The following CCDC13 variants were observed in gnomAD, a reference collection of about 807,000 sequenced individuals.
CCDC13 encodes the protein coiled-coil domain containing 13.
Under a neutral mutation model 87.3 loss-of-function variants are expected in CCDC13, and 70 were observed. The ratio of observed to expected loss-of-function variants is 0.80; its 90% CI spans 0.66 to 0.98. CCDC13 has a LOEUF of 0.98. CCDC13 is among the 50% of genes least tolerant of loss of function. The pLI, the probability that CCDC13 is intolerant of heterozygous loss-of-function variation, is 0.00. For synonymous variants in CCDC13, 317 were observed against 360.3 expected, an observed-to-expected ratio of 0.88 and a Z score of 1.36; for missense variants, 842 against 892.0, an observed-to-expected ratio of 0.94 and a Z score of 0.71.
At chr3:42,750,431 T>C (rs1245191864) in intron 5 of CCDC13, among the ~76,000 whole-genome samples, 2 of 152,198 alleles carry the variant, frequency 1.3e-5, no homozygotes, top group African/African-American at 2.4e-5. Context: ...GGATTCTCCA[T>C]AGACAGAGCC....
intron 13 of CCDC13, among the ~76,000 whole-genome samples, chr3:42,724,151 GC>G (rs1301567268): frequency 6.6e-6 from 1 of 152,094 alleles, no homozygotes; most frequent in Non-Finnish European, 1.5e-5. Flanking sequence ...TAAACCAACA[GC>G]AAAACATCAT....
intron 9 of CCDC13, among the ~76,000 whole-genome samples, chr3:42,736,303 G>A (rs1056538662): frequency 1.3e-5 from 2 of 152,178 alleles, no homozygotes; most frequent in Admixed American, 1.3e-4. Context: ...GGATCCATTA[G>A]CACCTGACTG....
intron 8 of CCDC13, among the ~76,000 whole-genome samples, chr3:42,742,332 T>C (rs1243578083): frequency 6.6e-6 from 1 of 152,138 alleles, no homozygotes; most frequent in Non-Finnish European, 1.5e-5. Flanking sequence ...CCCAGGGTCC[T>C]TGTGGAAGAG....
intron 1 of CCDC13, among the ~76,000 whole-genome samples, chr3:42,772,828 G>A (rs1700165621): frequency 6.6e-6 from 1 of 152,194 alleles, no homozygotes; most frequent in African/African-American, 2.4e-5. Flanking sequence ...GGTGCGAGAG[G>A]GCCCAGTGGC....
chr3:42,730,054 C>T (rs1202145660), intron 13 of CCDC13, among the ~76,000 whole-genome samples: 1 of 152,178 alleles, frequency 6.6e-6, no homozygotes, highest in Non-Finnish European at 1.5e-5. Context: ...CAGCTATCAG[C>T]ACCTCTCTTG....
At chr3:42,758,019 T>A in intron 2 of CCDC13, 106 bp downstream of exon 2, 2 of 906,462 alleles carry the variant, frequency 2.2e-6, no homozygotes, top group Non-Finnish European at 1.7e-6. Flanking sequence ...CTTCCTTCTA[T>A]CACTTTAGCT....
chr3:42,748,459 C>A (rs999281662), intron 5 of CCDC13, among the ~76,000 whole-genome samples: 1 of 152,250 alleles, frequency 6.6e-6, no homozygotes, highest in African/African-American at 2.4e-5. Context: ...GCTGCCCCAA[C>A]AGGGCAAAGC....
In CCDC13 at chr3:42,713,217, G is replaced by A; in HGVS notation, c.1818C>T (p.Arg606=). 6.2e-7 allele frequency: 1 copy of A among 1,614,176 alleles called. No homozygotes were observed. Among genetic ancestry groups the A allele is most frequent in the Non-Finnish European group, 8.5e-7 (1 of 1,180,022 alleles). ...VVLEQHLEKI[R]LEPGKASASQ... Reference sequence around the variant, plus strand: ...AGGCTGATGCCTTCCCTGGCTCCAGGCGTATCTTCTCCAGATGTTGCTCCA... The same window carrying A: ...AGGCTGATGCCTTCCCTGGCTCCAGACGTATCTTCTCCAGATGTTGCTCCA... Residue 606 remains arginine, a synonymous_variant, in exon 14 of 16, where the codon CGC becomes CGT. Coordinates refer to ENST00000310232, the MANE Select transcript of CCDC13 (RefSeq NM_144719.4).
At chr3:42,740,194 GA>G (rs1416895899) in intron 8 of CCDC13, among the ~76,000 whole-genome samples, 3 of 152,300 alleles carry the variant, frequency 2.0e-5, no homozygotes, top group African/African-American at 7.2e-5. Context: ...CCATACTTTA[GA>G]AAAAGAGTGC....
At chr3:42,711,545 AGCCTCCCT>A (rs1260569342) in intron 14 of CCDC13, among the ~76,000 whole-genome samples, 2 of 152,194 alleles carry the variant, frequency 1.3e-5, no homozygotes, top group Non-Finnish European at 2.9e-5. Flanking sequence ...GGACCACTCC[AGCCTCCCT>A]GCCTCCTCCC....
intron 7 of CCDC13, among the ~76,000 whole-genome samples, chr3:42,743,426 ATTTATTTT>A (rs1470097760): frequency 1.5e-5 from 2 of 137,780 alleles, no homozygotes; most frequent in Non-Finnish European, 3.0e-5. Flanking sequence ...TTATTTATTT[ATTTATTTT>A]AGAGACAGGG....
At chr3:42,750,893 G>A (rs1446032076) in intron 5 of CCDC13, among the ~76,000 whole-genome samples, 2 of 152,238 alleles carry the variant, frequency 1.3e-5, no homozygotes, top group Non-Finnish European at 2.9e-5. Context: ...GAATAAACCA[G>A]GGGCAGCTTA....
intron 13 of CCDC13, chr3:42,719,566 G>T (rs970733253): frequency 6.6e-6 from 1 of 152,126 alleles, no homozygotes; most frequent in South Asian, 2.1e-4. Flanking sequence ...ATAAAGAGGG[G>T]TACCTTATGA....
In CCDC13 at chr3:42,743,044, T is replaced by C; in HGVS notation, c.839A>G (p.Glu280Gly). The C allele has an allele frequency of 6.2e-7, 1 of 1,614,082 alleles. No individual in the cohort carries two copies. The highest frequency in any genetic ancestry group is 8.5e-7 in the Non-Finnish European group (1 of 1,179,986). ...GCTCCGGGCCTGGCCCAATTGCTTCTCAAGCTCTTGAACCTGAGGATGGTA... is the reference window on the plus strand; with the variant it reads ...GCTCCGGGCCTGGCCCAATTGCTTCCCAAGCTCTTGAACCTGAGGATGGTA... Reference protein sequence around the residue: ...LVLQSKVQELEKQLGQARSQS... With the variant: ...LVLQSKVQELGKQLGQARSQS... Residue 280 changes from glutamate (E) to glycine (G), a missense_variant, in exon 8 of 16, where the codon GAG (glutamate) becomes GGG (glycine). Physicochemically the swap from Glu to Gly is moderately conservative, Grantham distance 98. Transcript: ENST00000310232.
intron 10 of CCDC13, 60 bp downstream of exon 10, chr3:42,735,647 G>C: frequency 6.5e-7 from 1 of 1,542,202 alleles, no homozygotes; most frequent in African/African-American, 1.4e-5. Flanking sequence ...GAAGTGGAAG[G>C]AGCTGGATGG....
rs368736655 is a variant in CCDC13, at chr3:42,739,319, G to A, written c.1164+315C>T. Reference sequence around the variant, plus strand: ...GCTCCTCTTGTCCCTTTCATTCCTTGCTGAAAAATAACCCAGGGTATAATC... The same window carrying A: ...GCTCCTCTTGTCCCTTTCATTCCTTACTGAAAAATAACCCAGGGTATAATC... On this transcript the variant is annotated intron_variant, in intron 9 of 15. Transcript: ENST00000310232. 7.9e-5 allele frequency among the ~76,000 whole-genome samples: 12 copies of A among 152,308 alleles called. No individual in the cohort carries two copies. The East Asian group carries it at 2.3e-3, about 29-fold the overall frequency.
chr3:42,733,421 G>A (rs202133261), intron 11 of CCDC13, 49 bp downstream of exon 11: 10 of 1,608,754 alleles, frequency 6.2e-6, no homozygotes, highest in African/African-American at 5.3e-5. Context: ...CCTTTCTTCC[G>A]AATAATTAAT....
Position 42,739,755 on chromosome 3 carries a change from T to C in CCDC13, c.1043A>G (p.Lys348Arg). The change falls in exon 9 of 16, where the codon AAG (lysine) becomes AGG (arginine). Residue 348 changes from lysine (K) to arginine (R), a missense_variant. Coordinates refer to ENST00000310232, the MANE Select transcript of CCDC13 (RefSeq NM_144719.4). ...LQRELEELKK[K>R]FEGMRSRNKL... ...GTTCCGAGACCTCATGCCCTCGAACTTCTTTTTTAGCTCTTCAAGCTCTCT... is the reference window on the plus strand; with the variant it reads ...GTTCCGAGACCTCATGCCCTCGAACCTCTTTTTTAGCTCTTCAAGCTCTCT... 1.2e-6 allele frequency: 2 copies of C among 1,614,204 alleles called. No homozygotes were observed. The highest frequency in any genetic ancestry group is 1.7e-6 in the Non-Finnish European group (2 of 1,180,036).
chr3:42,730,787 C>A (rs1698809605), intron 12 of CCDC13, among the ~76,000 whole-genome samples, 198 bp from the exon 13 acceptor site: 1 of 152,190 alleles, frequency 6.6e-6, no homozygotes. Flanking sequence ...AGTCCCTAGG[C>A]TCCAAAGCTG....
Sources: allele counts gnomAD v4.1 joint callset (sites outside exome capture counted in the v4.1 genomes callset), GRCh38; gene constraint gnomAD v4.1.1; transcripts MANE v1.5; gene names NCBI Gene and HGNC (gene_info 2026-07-23, HGNC 2026-07-21).